MCTP1: variants seen among roughly 807,000 people sequenced by gnomAD.
MCTP1 encodes multiple C2 and transmembrane domain containing 1, also known as multiple C2 and transmembrane domain-containing protein 1.
Under a neutral mutation model 120.6 loss-of-function variants are expected in MCTP1, and 69 were observed. The observed-to-expected ratio is 0.57, with a 90% CI of 0.47 to 0.70. The LOEUF is 0.70. Among genes scored for constraint, MCTP1 ranks in the 30% least tolerant of loss-of-function variants. The pLI, the probability that MCTP1 is intolerant of heterozygous loss-of-function variation, is 0.00. For synonymous variants in MCTP1, 529 were observed against 493.1 expected (o/e 1.07, Z -0.96); for missense variants, 1,203 against 1,248.8 (o/e 0.96, Z 0.55).
intron 1 of MCTP1, among the ~76,000 whole-genome samples, chr5:95,051,064 C>T (rs192312020): frequency 4.1e-4 from 63 of 152,256 alleles, no homozygotes; most frequent in Admixed American, 2.5e-3. Context: ...TGAGCTGAGA[C>T]TTCCAGCTTC....
chr5:95,053,357 T>C (rs574010993), intron 1 of MCTP1, among the ~76,000 whole-genome samples: 1 of 152,334 alleles, frequency 6.6e-6, no homozygotes, highest in East Asian at 1.9e-4. Context: ...GCTGTTCATA[T>C]GTGAATATAA....
At chr5:94,872,337 G>C (rs923215171) in intron 13 of MCTP1, among the ~76,000 whole-genome samples, 1 of 151,944 alleles carries the variant, frequency 6.6e-6, no homozygotes, top group Admixed American at 6.6e-5. Context: ...TCCTGACCAG[G>C]CTTTTATCTC....
chr5:94,960,316 C>T (rs1244183735), intron 2 of MCTP1, among the ~76,000 whole-genome samples: 1 of 152,162 alleles, frequency 6.6e-6, no homozygotes. Flanking sequence ...TTATAAAAAC[C>T]CTAGAAGAAA....
chr5:95,254,286 C>A (rs1332009499), intron 1 of MCTP1, among the ~76,000 whole-genome samples: 3 of 152,174 alleles, frequency 2.0e-5, no homozygotes, highest in Admixed American at 6.5e-5. Context: ...GTACCAACCA[C>A]TGGTTCTAAG....
At chr5:95,089,697 T>TA (rs1755701626) in intron 1 of MCTP1, among the ~76,000 whole-genome samples, 1 of 152,186 alleles carries the variant, frequency 6.6e-6, no homozygotes, top group African/African-American at 2.4e-5. Flanking sequence ...TTTAAGTCCT[T>TA]AATCTGCTGT....
chr5:95,143,244 C>T (rs1760090515), intron 1 of MCTP1, among the ~76,000 whole-genome samples: 2 of 152,006 alleles, frequency 1.3e-5, no homozygotes, highest in African/African-American at 4.8e-5. Flanking sequence ...TTCTTTCTCA[C>T]CAATAGGCTC....
intron 1 of MCTP1, among the ~76,000 whole-genome samples, chr5:95,252,807 G>T (rs1420559395): frequency 6.6e-6 from 1 of 151,364 alleles, no homozygotes; most frequent in African/African-American, 2.4e-5. Context: ...TTCTGTCTTT[G>T]CTTTGACAAA....
intron 1 of MCTP1, among the ~76,000 whole-genome samples, chr5:95,214,575 T>C (rs755907418): frequency 6.6e-6 from 1 of 152,144 alleles, no homozygotes; most frequent in South Asian, 2.1e-4. Context: ...TATATGTTTA[T>C]TGCGGCACTA....
chr5:94,891,547 T>A (rs926620062), intron 11 of MCTP1, among the ~76,000 whole-genome samples: 7 of 152,160 alleles, frequency 4.6e-5, no homozygotes, highest in Admixed American at 6.6e-5. Context: ...TCAGTCCTTA[T>A]GTCTGAGAAT....
chr5:95,228,391 G>T (rs1754525641), intron 1 of MCTP1, among the ~76,000 whole-genome samples: 1 of 151,988 alleles, frequency 6.6e-6, no homozygotes, highest in African/African-American at 2.4e-5. Flanking sequence ...GAGGAAGAAA[G>T]AGAGAAACGT....
chr5:94,893,711 T>C (rs765965916), intron 11 of MCTP1, among the ~76,000 whole-genome samples: 1 of 152,210 alleles, frequency 6.6e-6, no homozygotes, highest in Non-Finnish European at 1.5e-5. Context: ...ACATCTTTAT[T>C]AAATTCAGTT....
At chr5:94,832,692 T>C (rs1206948547) in intron 17 of MCTP1, among the ~76,000 whole-genome samples, 1 of 151,962 alleles carries the variant, frequency 6.6e-6, no homozygotes, top group Non-Finnish European at 1.5e-5. Context: ...GTGGTCTGGT[T>C]GTGAGCACTA....
At chr5:94,881,596 C>T (rs531871217) in intron 12 of MCTP1, among the ~76,000 whole-genome samples, 2 of 152,020 alleles carry the variant, frequency 1.3e-5, no homozygotes, top group East Asian at 3.8e-4. Context: ...CTGCCATTTA[C>T]AAGCTGGTGT....
At chr5:94,829,001 CA>C (rs1167977326) in intron 17 of MCTP1, among the ~76,000 whole-genome samples, 1 of 103,504 alleles carries the variant, frequency 9.7e-6, no homozygotes, top group African/African-American at 3.2e-5. Flanking sequence ...AAAAAACAAA[CA>C]AACAACAACA....
chr5:94,847,788 G>T (rs1442298088), intron 17 of MCTP1, among the ~76,000 whole-genome samples: 1 of 151,502 alleles, frequency 6.6e-6, no homozygotes, highest in African/African-American at 2.4e-5. Flanking sequence ...AATTCCTGTT[G>T]TGAGGATGCC....
intron 1 of MCTP1, among the ~76,000 whole-genome samples, chr5:95,170,058 A>C (rs1281222673): frequency 6.6e-6 from 1 of 152,152 alleles, no homozygotes; most frequent in East Asian, 1.9e-4. Context: ...AGTGCTATAA[A>C]TTTCCCTCTA....
chr5:95,208,178 C>T (rs944647038), intron 1 of MCTP1, among the ~76,000 whole-genome samples: 1 of 152,204 alleles, frequency 6.6e-6, no homozygotes, highest in Non-Finnish European at 1.5e-5. Context: ...CAACCTCCAC[C>T]TCCGGGGTTC....
chr5:94,970,242 G>A (rs1335213692), intron 2 of MCTP1, among the ~76,000 whole-genome samples: 1 of 151,826 alleles, frequency 6.6e-6, no homozygotes, highest in Non-Finnish European at 1.5e-5. Context: ...CATGCAAGAC[G>A]AAATTATTCA....
At chr5:94,925,555 C>T (rs13171147) in intron 6 of MCTP1, among the ~76,000 whole-genome samples, 6,529 of 151,994 alleles carry the variant, frequency 0.043, 186 homozygotes, top group Middle Eastern at 0.089. Flanking sequence ...ACTACAGGTG[C>T]GCGCCACCAC....
Sources: allele counts gnomAD v4.1 joint callset (sites outside exome capture counted in the v4.1 genomes callset), GRCh38; gene constraint gnomAD v4.1.1; transcripts MANE v1.5; gene names NCBI Gene and HGNC (gene_info 2026-07-23, HGNC 2026-07-21).